CA10: variants seen among roughly 807,000 people sequenced by gnomAD.
CA10 encodes the protein carbonic anhydrase-related protein 10.
CA10 carries 14 observed loss-of-function variants against 44.2 expected under a neutral mutation model. That is an observed-to-expected ratio of 0.32 (90% CI 0.21 to 0.50). The LOEUF is 0.50. Ranked by LOEUF, CA10 falls within the 20% of genes least tolerant of loss-of-function variation. The pLI, the probability that CA10 is intolerant of heterozygous loss-of-function variation, is 0.99. For synonymous variants in CA10, 159 were observed against 141.6 expected, an observed-to-expected ratio of 1.12 and a Z score of -0.87; for missense variants, 350 against 409.7, an observed-to-expected ratio of 0.85 and a Z score of 1.26.
intron 2 of CA10, among the ~76,000 whole-genome samples, chr17:52,020,689 A>G (rs963162391): frequency 2.0e-5 from 3 of 151,834 alleles, no homozygotes; most frequent in Non-Finnish European, 2.9e-5. Context: ...GGGGGTACAT[A>G]AGTAGGTTTG....
At chr17:51,712,720 CTCT>C (rs1326609585) in intron 4 of CA10, among the ~76,000 whole-genome samples, 2 of 152,190 alleles carry the variant, frequency 1.3e-5, no homozygotes, top group East Asian at 1.9e-4. Context: ...AGGCTCTGAA[CTCT>C]TCTTAACTAG....
chr17:51,825,678 T>TAC (rs920187452), intron 3 of CA10, among the ~76,000 whole-genome samples: 7 of 151,868 alleles, frequency 4.6e-5, no homozygotes, highest in African/African-American at 1.7e-4. Flanking sequence ...TTCAATTGCA[T>TAC]ACTCATTACA....
At chr17:52,109,761 T>C (rs1988750595) in intron 1 of CA10, among the ~76,000 whole-genome samples, 1 of 152,230 alleles carries the variant, frequency 6.6e-6, no homozygotes, top group South Asian at 2.1e-4. Context: ...TATTACTATC[T>C]TAGATCAGTG....
At chr17:52,013,980 T>C (rs1315050954) in intron 2 of CA10, among the ~76,000 whole-genome samples, 1 of 151,878 alleles carries the variant, frequency 6.6e-6, no homozygotes, top group African/African-American at 2.4e-5. Flanking sequence ...TAAATAGAAC[T>C]CTAGGAAACT....
chr17:51,991,462 T>C (rs533012990), intron 2 of CA10, among the ~76,000 whole-genome samples: 53 of 152,276 alleles, frequency 3.5e-4, no homozygotes, highest in African/African-American at 1.3e-3. Context: ...GTTAGTTTCA[T>C]TTCCCTTCTT....
intron 3 of CA10, among the ~76,000 whole-genome samples, chr17:51,887,531 G>A (rs1205196673): frequency 1.3e-5 from 2 of 152,196 alleles, no homozygotes; most frequent in Non-Finnish European, 2.9e-5. Context: ...AAATAACATG[G>A]TTGGGATCCT....
chr17:51,942,288 G>C (rs762207465), intron 2 of CA10, among the ~76,000 whole-genome samples: 21 of 151,968 alleles, frequency 1.4e-4, no homozygotes, highest in Non-Finnish European at 4.4e-5. Flanking sequence ...CTGAGTCTTG[G>C]AACCCAAACA....
At chr17:51,937,500 C>G (rs940869780) in intron 2 of CA10, among the ~76,000 whole-genome samples, 2 of 152,126 alleles carry the variant, frequency 1.3e-5, no homozygotes, top group African/African-American at 2.4e-5. Flanking sequence ...GGGTCTTTAA[C>G]TAGGGCTGCC....
At chr17:51,793,669 G>A (rs1228341972) in intron 3 of CA10, among the ~76,000 whole-genome samples, 5 of 152,200 alleles carry the variant, frequency 3.3e-5, no homozygotes, top group Non-Finnish European at 7.4e-5. Flanking sequence ...CAGTAGAATC[G>A]CTGAACAGCT....
chr17:52,112,200 A>AT (rs1335126187), intron 1 of CA10, among the ~76,000 whole-genome samples: 11 of 152,152 alleles, frequency 7.2e-5, no homozygotes, highest in Non-Finnish European at 1.6e-4. Context: ...AGAAAAAAAA[A>AT]AAACTCACAA....
At chr17:51,772,971 A>G (rs1905667272) in intron 3 of CA10, among the ~76,000 whole-genome samples, 1 of 152,110 alleles carries the variant, frequency 6.6e-6, no homozygotes, top group Non-Finnish European at 1.5e-5. Flanking sequence ...CATGCACACA[A>G]CACTCACACA....
chr17:51,925,867 A>C (rs982216171), intron 3 of CA10, among the ~76,000 whole-genome samples: 1 of 152,206 alleles, frequency 6.6e-6, no homozygotes, highest in Admixed American at 6.5e-5. Context: ...AATTCTACTT[A>C]TATGAGGTAC....
intron 2 of CA10, among the ~76,000 whole-genome samples, chr17:51,937,276 C>T (rs998285137): frequency 2.0e-5 from 3 of 152,154 alleles, no homozygotes; most frequent in African/African-American, 4.8e-5. Context: ...CTTTTCCTCA[C>T]CAATCCTGAT....
intron 3 of CA10, among the ~76,000 whole-genome samples, chr17:51,923,466 C>T (rs560279313): frequency 6.6e-5 from 10 of 152,070 alleles, no homozygotes; most frequent in East Asian, 3.9e-4. Flanking sequence ...ATATCTATAC[C>T]GCTATTATCT....
Position 51,682,617 on chromosome 17 carries a change from C to T in CA10, c.466-28881G>A, listed in dbSNP as rs115609619. ...AAAACCCAGCGGATTCCTTCTTAAGCGACCATTTACTGCCACCACCCAAAG... is the reference window on the plus strand; with the variant it reads ...AAAACCCAGCGGATTCCTTCTTAAGTGACCATTTACTGCCACCACCCAAAG... On this transcript the variant is annotated intron_variant, in intron 4 of 8. Transcript: ENST00000451037. Among the ~76,000 whole-genome samples, 1,140 of 152,268 alleles carry T rather than the reference C, an allele frequency of 7.5e-3. 11 individuals are homozygous for T. Among genetic ancestry groups the T allele is most frequent in the African/African-American group, 0.026 (1,076 of 41,530 alleles).
chr17:52,051,269 C>A (rs1434681520), intron 2 of CA10, among the ~76,000 whole-genome samples: 1 of 151,880 alleles, frequency 6.6e-6, no homozygotes, highest in Non-Finnish European at 1.5e-5. Context: ...ACAGGAAAAG[C>A]AATTGTAGCA....
intron 3 of CA10, among the ~76,000 whole-genome samples, chr17:51,868,878 CAA>C (rs1979673141): frequency 2.1e-5 from 3 of 145,408 alleles, no homozygotes; most frequent in Non-Finnish European, 4.5e-5. Flanking sequence ...GCTATGAAGC[CAA>C]AAGTTTTTTT....
intron 4 of CA10, among the ~76,000 whole-genome samples, chr17:51,702,003 C>T (rs985026970): frequency 6.6e-6 from 1 of 152,166 alleles, no homozygotes; most frequent in African/African-American, 2.4e-5. Flanking sequence ...AACCTGCCAA[C>T]CAGACTACAG....
At chr17:52,019,587 TACAAC>T (rs1986073117) in intron 2 of CA10, among the ~76,000 whole-genome samples, 1 of 152,048 alleles carries the variant, frequency 6.6e-6, no homozygotes, top group South Asian at 2.1e-4. Flanking sequence ...AATTGATGTA[TACAAC>T]ACATGCAGAA....
Sources: allele counts gnomAD v4.1 joint callset (sites outside exome capture counted in the v4.1 genomes callset), GRCh38; gene constraint gnomAD v4.1.1; transcripts MANE v1.5; gene names NCBI Gene and HGNC (gene_info 2026-07-23, HGNC 2026-07-21).